The following ANXA4 variants were observed in gnomAD, a reference collection of about 807,000 sequenced individuals.
ANXA4 encodes annexin A4, also known as 35-beta calcimedin.
Under a neutral mutation model 49.8 loss-of-function variants are expected in ANXA4, and 39 were observed. The ratio of observed to expected loss-of-function variants is 0.78; its 90% CI spans 0.61 to 1.02. The LOEUF (loss-of-function observed/expected upper bound fraction) is 1.02. Ranked by LOEUF, ANXA4 falls within the 50% of genes least tolerant of loss-of-function variation. ANXA4 has a pLI of 0.00. For synonymous variants in ANXA4, 134 were observed against 152.5 expected, an observed-to-expected ratio of 0.88 and a Z score of 0.89; for missense variants, 360 against 410.1, an observed-to-expected ratio of 0.88 and a Z score of 1.05.
intron 2 of ANXA4, among the ~76,000 whole-genome samples, chr2:69,696,014 T>C (rs1179126566): frequency 6.6e-6 from 1 of 152,114 alleles, no homozygotes; most frequent in East Asian, 1.9e-4. Flanking sequence ...ATCAGGGTGG[T>C]GGTTGCTGAA....
At chr2:69,703,133 C>T (rs1184107980) in intron 2 of ANXA4, among the ~76,000 whole-genome samples, 1 of 152,156 alleles carries the variant, frequency 6.6e-6, no homozygotes, top group East Asian at 1.9e-4. Flanking sequence ...TGCCATGAAA[C>T]CCCTTTTCAG....
intron 1 of ANXA4, among the ~76,000 whole-genome samples, chr2:69,762,850 C>T (rs1289302811): frequency 1.0e-5 from 1 of 96,610 alleles, no homozygotes; most frequent in Non-Finnish European, 1.9e-5. Context: ...GTCTCATAAA[C>T]ACACACACTC....
intron 3 of ANXA4, among the ~76,000 whole-genome samples, chr2:69,795,123 T>A (rs1672889301): frequency 6.6e-6 from 1 of 152,306 alleles, no homozygotes; most frequent in African/African-American, 2.4e-5. Context: ...TCCTGAGCCT[T>A]CCTTGATTGG....
chr2:69,823,253 A>G (rs920746563), intron 12 of ANXA4, among the ~76,000 whole-genome samples: 52 of 151,518 alleles, frequency 3.4e-4, no homozygotes, highest in Admixed American at 2.9e-3. Context: ...AAATATGTAA[A>G]TATATGTGTG....
intron 1 of ANXA4, among the ~76,000 whole-genome samples, chr2:69,749,955 A>G (rs1414519612): frequency 6.6e-6 from 1 of 151,832 alleles, no homozygotes; most frequent in Non-Finnish European, 1.5e-5. Context: ...GAGGCTGTCT[A>G]TATTCTCATA....
At chr2:69,707,269 A>G (rs563944361) in intron 2 of ANXA4, among the ~76,000 whole-genome samples, 62 of 152,290 alleles carry the variant, frequency 4.1e-4, no homozygotes, top group Non-Finnish European at 6.3e-4. Flanking sequence ...CTAGCATTTC[A>G]GTTTCTTCTA....
intron 1 of ANXA4, among the ~76,000 whole-genome samples, chr2:69,651,414 T>C (rs1676225449): frequency 6.6e-6 from 1 of 152,204 alleles, no homozygotes; most frequent in Non-Finnish European, 1.5e-5. Flanking sequence ...TTCTTTTGAT[T>C]CTTACTTGCC....
chr2:69,742,670 C>G (rs1252522479), intron 1 of ANXA4, among the ~76,000 whole-genome samples: 1 of 152,190 alleles, frequency 6.6e-6, no homozygotes, highest in African/African-American at 2.4e-5. Context: ...CCCGGCACAT[C>G]GGAGTCTGAT....
chr2:69,782,507 TA>T (rs71397355), intron 2 of ANXA4, among the ~76,000 whole-genome samples: 2 of 152,250 alleles, frequency 1.3e-5, no homozygotes, highest in East Asian at 3.9e-4. Flanking sequence ...AGAATTTTTT[TA>T]AAAATATTTA....
intron 2 of ANXA4, among the ~76,000 whole-genome samples, chr2:69,665,947 A>G (rs970135668): frequency 2.0e-5 from 3 of 152,282 alleles, no homozygotes; most frequent in Admixed American, 1.3e-4. Context: ...GCTCACACCT[A>G]TAATCCCAGC....
chr2:69,669,764 G>A (rs918922527), intron 2 of ANXA4, among the ~76,000 whole-genome samples: 2 of 152,018 alleles, frequency 1.3e-5, no homozygotes, highest in African/African-American at 4.8e-5. Context: ...AATTTCTCAT[G>A]TTTCCCACTG....
At chr2:69,784,053 G>A (rs1672312993) in intron 2 of ANXA4, among the ~76,000 whole-genome samples, 1 of 152,004 alleles carries the variant, frequency 6.6e-6, no homozygotes, top group Non-Finnish European at 1.5e-5. Context: ...TTCATCAATT[G>A]TGATATGGCA....
chr2:69,644,272 C>G (rs1675911234), upstream of ANXA4, among the ~76,000 whole-genome samples: 1 of 148,374 alleles, frequency 6.7e-6, no homozygotes, highest in Non-Finnish European at 1.5e-5. Context: ...CCGAACGGAT[C>G]GAGACTGACA....
chr2:69,815,920 C>T, intron 8 of ANXA4, 181 bp from the exon 9 acceptor site: 1 of 581,166 alleles, frequency 1.7e-6, no homozygotes, highest in Non-Finnish European at 3.1e-6. Flanking sequence ...ATGACAGGGT[C>T]CCAACAGCCT....
intron 1 of ANXA4, among the ~76,000 whole-genome samples, chr2:69,748,413 G>C (rs1385739804): frequency 6.6e-6 from 1 of 150,508 alleles, no homozygotes; most frequent in East Asian, 1.9e-4. Flanking sequence ...GAGAGAAAAG[G>C]CACACATGCG....
chr2:69,684,013 A>G (rs1677696393), intron 2 of ANXA4, among the ~76,000 whole-genome samples: 1 of 152,260 alleles, frequency 6.6e-6, no homozygotes, highest in Non-Finnish European at 1.5e-5. Flanking sequence ...GTTATGTTAA[A>G]GATCAGCTAA....
intron 2 of ANXA4, among the ~76,000 whole-genome samples, chr2:69,693,710 C>A (rs961300512): frequency 6.6e-6 from 1 of 152,184 alleles, no homozygotes; most frequent in African/African-American, 2.4e-5. Flanking sequence ...ACATCTGTGA[C>A]ACCCACTCCC....
chr2:69,820,903 C>T (rs1313628973), intron 12 of ANXA4, 82 bp downstream of exon 12: 2 of 1,442,614 alleles, frequency 1.4e-6, no homozygotes, highest in Admixed American at 4.3e-5. Flanking sequence ...TTGTTGTCCC[C>T]CTCTTCTTGG....
In ANXA4 at chr2:69,781,478, A is replaced by G. The variant is rs570043127; in HGVS notation, c.-46-42A>G. ...TATCCTGATTAATGATTTTAATGCC[A>G]TTTCCTTCATCACAGTAATTTCCCC... On this transcript the variant is annotated intron_variant, in intron 1 of 12. Transcript: ENST00000394295. 2.7e-5 allele frequency: 41 copies of G among 1,509,676 alleles called. No homozygotes were observed. In the South Asian group the frequency reaches 4.0e-4, roughly 15 times the overall value. The allele number at this position is 1,509,676 out of a possible 1,614,324, so 93.5% of individuals were successfully genotyped here.
Sources: allele counts gnomAD v4.1 joint callset (sites outside exome capture counted in the v4.1 genomes callset), GRCh38; gene constraint gnomAD v4.1.1; transcripts MANE v1.5; gene names NCBI Gene and HGNC (gene_info 2026-07-23, HGNC 2026-07-21).